The following MARCHF1 variants were observed in gnomAD, a reference collection of about 807,000 sequenced individuals.
The protein encoded by MARCHF1 is membrane associated ring-CH-type finger 1, also known as E3 ubiquitin-protein ligase MARCHF1.
In MARCHF1, 40 loss-of-function variants were observed where a neutral mutation model predicts 54.2. The ratio of observed to expected loss-of-function variants is 0.74; its 90% CI spans 0.57 to 0.96. MARCHF1 has a LOEUF of 0.96. MARCHF1 is among the 40% of genes least tolerant of loss of function. MARCHF1 has a pLI of 0.00. For missense variants in MARCHF1, 586 were observed against 656.5 expected (o/e 0.89, Z 1.17); for synonymous variants, 236 against 236.3 (o/e 1.00, Z 0.01).
chr4:163,880,231 A>G (rs1420859283), intron 3 of MARCHF1, among the ~76,000 whole-genome samples: 1 of 151,638 alleles, frequency 6.6e-6, no homozygotes, highest in Non-Finnish European at 1.5e-5. Context: ...TACATTAGCA[A>G]CCAGATATAG....
intron 5 of MARCHF1, among the ~76,000 whole-genome samples, chr4:163,691,138 T>A (rs1009586934): frequency 6.6e-6 from 1 of 152,232 alleles, no homozygotes; most frequent in Non-Finnish European, 1.5e-5. Flanking sequence ...TCCAAGCTGA[T>A]GCCTCTCAAG....
At chr4:164,182,221 C>T (rs377604710) in intron 1 of MARCHF1, among the ~76,000 whole-genome samples, 16 of 151,986 alleles carry the variant, frequency 1.1e-4, no homozygotes, top group African/African-American at 3.1e-4. Context: ...ATAGTGTAAT[C>T]GGAGCCTGAC....
chr4:164,157,780 C>A (rs1204811740), intron 1 of MARCHF1, among the ~76,000 whole-genome samples: 3 of 152,130 alleles, frequency 2.0e-5, no homozygotes, highest in African/African-American at 7.2e-5. Context: ...CTCTATTCCA[C>A]TATGACCTCA....
chr4:163,900,201 T>C (rs1352515097), intron 3 of MARCHF1, among the ~76,000 whole-genome samples: 2 of 152,144 alleles, frequency 1.3e-5, no homozygotes, highest in African/African-American at 4.8e-5. Flanking sequence ...ACATTCAGAA[T>C]ACTGACTGAT....
At chr4:164,302,736 G>A (rs915578989) in intron 1 of MARCHF1, among the ~76,000 whole-genome samples, 1 of 151,934 alleles carries the variant, frequency 6.6e-6, no homozygotes, top group Non-Finnish European at 1.5e-5. Context: ...GGGCATGGTG[G>A]CCCATGCCTG....
chr4:163,761,911 C>T (rs974333078), intron 4 of MARCHF1, among the ~76,000 whole-genome samples: 7 of 152,174 alleles, frequency 4.6e-5, no homozygotes, highest in Non-Finnish European at 7.4e-5. Context: ...GATAAAAACA[C>T]TAACTGATAA....
chr4:163,843,908 T>G (rs1749411859), intron 4 of MARCHF1, among the ~76,000 whole-genome samples: 1 of 152,148 alleles, frequency 6.6e-6, no homozygotes, highest in South Asian at 2.1e-4. Flanking sequence ...ATATGTTTGT[T>G]GGATGCCTGT....
intron 3 of MARCHF1, among the ~76,000 whole-genome samples, chr4:163,870,617 G>A (rs548388113): frequency 6.6e-6 from 1 of 152,024 alleles, no homozygotes; most frequent in South Asian, 2.1e-4. Context: ...TAGAGATGCC[G>A]CTTTTTCTGT....
rs537367329 is a variant in MARCHF1, at chr4:164,074,239, T to C, written c.-248+37349A>G. ...CCTTCCCTTTCCTTCACTACAAAGC[T>C]TTACCACCACCTTTAAGAGTCTGAC... On this transcript the variant is annotated intron_variant, in intron 2 of 9. Coordinates refer to ENST00000514618, the MANE Select transcript of MARCHF1 (RefSeq NM_001394959.1). Among the ~76,000 whole-genome samples, 6 of 152,296 alleles carry C rather than the reference T, an allele frequency of 3.9e-5. No homozygotes were observed. The South Asian group carries it at 1.2e-3, about 32-fold the overall frequency.
chr4:164,158,189 G>C (rs1203193374), intron 1 of MARCHF1, among the ~76,000 whole-genome samples: 3 of 152,104 alleles, frequency 2.0e-5, no homozygotes, highest in South Asian at 4.1e-4. Context: ...GTTTTAATTA[G>C]CTAAAAAAGA....
intron 3 of MARCHF1, among the ~76,000 whole-genome samples, chr4:163,942,514 A>T (rs1307294602): frequency 6.6e-6 from 1 of 152,212 alleles, no homozygotes; most frequent in Non-Finnish European, 1.5e-5. Flanking sequence ...GACTGATTAT[A>T]TGGGCACAGA....
Position 163,988,658 on chromosome 4 carries a change from T to G in MARCHF1, c.-196A>C, listed in dbSNP as rs1752915086. 6.6e-6 allele frequency: 1 copy of G among 152,188 alleles called. No individual in the cohort carries two copies. Among genetic ancestry groups the G allele is most frequent in the Non-Finnish European group, 1.5e-5 (1 of 68,072 alleles). 9.4% of individuals were successfully genotyped at this position (152,188 alleles called of 1,614,324 possible). A position where few individuals can be genotyped will look rare whatever the true frequency, so the allele number is the denominator to read the frequency against. ...GGATGCCTTATCTCTTCACTCGCCC[T>G]GAGTAGCCCACCTGCACAATTGTTC... is the stretch of plus-strand genomic sequence containing the variant. On this transcript the variant is annotated 5_prime_UTR_variant, in exon 3 of 10. Transcript: ENST00000514618.
intron 1 of MARCHF1, among the ~76,000 whole-genome samples, chr4:164,186,877 T>C (rs1047805662): frequency 6.6e-6 from 1 of 152,216 alleles, no homozygotes; most frequent in Non-Finnish European, 1.5e-5. Flanking sequence ...GAGAGGAATG[T>C]AACCAAAGAC....
intron 5 of MARCHF1, among the ~76,000 whole-genome samples, chr4:163,651,580 G>A (rs1057258011): frequency 2.1e-5 from 3 of 144,538 alleles, no homozygotes; most frequent in Non-Finnish European, 3.0e-5. Context: ...TTTTAAAAGT[G>A]GTTTTATACC....
At chr4:163,643,098 A>G (rs893730426) in intron 5 of MARCHF1, among the ~76,000 whole-genome samples, 1 of 149,964 alleles carries the variant, frequency 6.7e-6, no homozygotes, top group African/African-American at 2.5e-5. Flanking sequence ...GGATCATTTC[A>G]TGTCAGGCAT....
At chr4:164,036,337 G>C (rs886575722) in intron 2 of MARCHF1, among the ~76,000 whole-genome samples, 2 of 152,016 alleles carry the variant, frequency 1.3e-5, no homozygotes, top group African/African-American at 4.8e-5. Context: ...TACAATTGGA[G>C]ATAGAGATTG....
chr4:163,971,314 T>C (rs1233874164), intron 3 of MARCHF1, among the ~76,000 whole-genome samples: 2 of 152,138 alleles, frequency 1.3e-5, no homozygotes, highest in Non-Finnish European at 2.9e-5. Flanking sequence ...AGAAAGGTAT[T>C]AATAGGTAAA....
chr4:163,801,903 GTTTATT>G (rs1490302665), intron 4 of MARCHF1, among the ~76,000 whole-genome samples: 1 of 151,952 alleles, frequency 6.6e-6, no homozygotes, highest in Non-Finnish European at 1.5e-5. Flanking sequence ...CAGTTGGGGT[GTTTATT>G]TTTTTCACCC....
chr4:163,892,274 ATTCAT>A (rs1223740111), intron 3 of MARCHF1, among the ~76,000 whole-genome samples: 6 of 152,166 alleles, frequency 3.9e-5, no homozygotes, highest in African/African-American at 1.4e-4. Context: ...CATTTTATTA[ATTCAT>A]TTAAGTTTTC....
Sources: gnomAD v4.1 joint callset for allele counts (sites outside exome capture counted in the v4.1 genomes callset) on GRCh38, gnomAD v4.1.1 for gene constraint, MANE v1.5 for transcripts, NCBI Gene and HGNC (gene_info 2026-07-23, HGNC 2026-07-21) for gene names.